SLC48A1: variants seen among roughly 807,000 people sequenced by gnomAD.
SLC48A1 encodes solute carrier family 48 member 1.
SLC48A1 carries 6 observed loss-of-function variants against 14.8 expected under a neutral mutation model. The ratio of observed to expected loss-of-function variants is 0.41; its 90% CI spans 0.22 to 0.80. SLC48A1 has a LOEUF of 0.80. Ranked by LOEUF, SLC48A1 falls within the 30% of genes least tolerant of loss-of-function variation. The probability of loss-of-function intolerance (pLI) is 0.34; values close to 1 mark genes in which losing one functional copy is unlikely to be tolerated. For missense variants in SLC48A1, 165 were observed against 204.8 expected (o/e 0.81, Z 1.19); for synonymous variants, 89 against 90.0 (o/e 0.99, Z 0.06).
chr12:47,758,958 C>T, intron 1 of SLC48A1: 1 of 1,012,434 alleles, frequency 9.9e-7, no homozygotes. Flanking sequence ...GCGGAGGGGG[C>T]GGGGTGGAGG....
At chr12:47,770,686 C>T (rs1942610009), upstream of SLC48A1, among the ~76,000 whole-genome samples, 1 of 152,224 alleles carries the variant, frequency 6.6e-6, no homozygotes, top group Non-Finnish European at 1.5e-5. Context: ...CACTCTATTA[C>T]TCTGGCCATA....
At chr12:47,758,425 T>A, upstream of SLC48A1, 1 of 1,557,368 alleles carries the variant, frequency 6.4e-7, no homozygotes, top group South Asian at 1.2e-5. Context: ...CAGCTTCGGC[T>A]TAAACCCTTC....
At position 47,782,531 on chromosome 12, in the gene SLC48A1, A is replaced by T. The variant is rs771752737; in HGVS notation, c.*2250A>T. Reference sequence around the variant, plus strand: ...ACCCCAAAGTGGGGCAGCCAGGGACAGCCAGGGTGTGTTCAGAATGGGTTC... The same window carrying T: ...ACCCCAAAGTGGGGCAGCCAGGGACTGCCAGGGTGTGTTCAGAATGGGTTC... On this transcript the variant is annotated 3_prime_UTR_variant, in exon 3 of 3. Transcript: ENST00000442218. 1 of 152,304 alleles carries T rather than the reference A, an allele frequency of 6.6e-6. No homozygotes were observed. Among genetic ancestry groups the T allele is most frequent in the East Asian group, 1.9e-4 (1 of 5,166 alleles). 9.4% of individuals were successfully genotyped at this position (152,304 alleles called of 1,614,324 possible).
intron 1 of SLC48A1, chr12:47,758,726 A>T: frequency 2.3e-5 from 27 of 1,171,844 alleles, no homozygotes; most frequent in East Asian, 4.9e-5. Flanking sequence ...AGCAGGATGC[A>T]GGGCTCGGTG....
chr12:47,757,781 C>A, upstream of SLC48A1: 1 of 1,327,200 alleles, frequency 7.5e-7, no homozygotes, highest in Non-Finnish European at 1.0e-6. Context: ...CAAGCTGGGC[C>A]ACCAGCAGCA....
chr12:47,773,546 G>T (rs1030408922), intron 1 of SLC48A1, 106 bp downstream of exon 1: 3 of 1,232,262 alleles, frequency 2.4e-6, no homozygotes, highest in Non-Finnish European at 3.0e-6. Flanking sequence ...CGCGGAGCGG[G>T]TGGAGTGTTT....
chr12:47,757,022 A>T (rs181351765), upstream of SLC48A1, among the ~76,000 whole-genome samples: 3 of 152,150 alleles, frequency 2.0e-5, no homozygotes, highest in Admixed American at 2.0e-4. Context: ...GGCCAAGCGC[A>T]GTGGGTCACG....
At chr12:47,776,381 G>A (rs1207091042) in intron 1 of SLC48A1, among the ~76,000 whole-genome samples, 2 of 152,170 alleles carry the variant, frequency 1.3e-5, no homozygotes, top group East Asian at 1.9e-4. Context: ...ATTCCACCCC[G>A]AGTTTTATAA....
rs200530736 is a variant in SLC48A1 at position 47,780,179 on chromosome 12, C to T, written c.339C>T (p.Ser113=). The T allele has an allele frequency of 1.2e-5, 19 of 1,612,068 alleles. No homozygotes were observed. Among genetic ancestry groups the T allele is most frequent in the African/African-American group, 9.3e-5 (7 of 75,028 alleles). ...ACCCCACCAGCTACTACCTCTCCAG[C>T]GTCTGGAGCTTCATTTCCTTCAAGT... The part of the protein sequence containing the change: ...LTDPTSYYLS[S]VWSFISFKWA... Residue 113 remains serine (S), a synonymous_variant, in exon 3 of 3, where the codon AGC becomes AGT. Transcript: ENST00000442218.
intron 2 of SLC48A1, among the ~76,000 whole-genome samples, chr12:47,779,832 T>C (rs914855677): frequency 6.6e-5 from 10 of 152,178 alleles, no homozygotes; most frequent in African/African-American, 1.9e-4. Flanking sequence ...GCAAACCCTG[T>C]TGTGAGGCGC....
upstream of SLC48A1, chr12:47,755,590 C>T (rs983352133): frequency 6.6e-5 from 10 of 152,296 alleles, no homozygotes; most frequent in African/African-American, 2.2e-4. Context: ...GATGTTCTTC[C>T]ATCCCATTCC....
chr12:47,763,662 G>T (rs1406403763), intron 2 of SLC48A1, among the ~76,000 whole-genome samples: 1 of 152,196 alleles, frequency 6.6e-6, no homozygotes. Context: ...CAGCGGCAGG[G>T]AGCTGGAGCC....
rs1289158834 is a variant in SLC48A1 at position 47,779,173 on chromosome 12, G to C, written c.282G>C (p.Val94=). 4.5e-6 allele frequency: 7 copies of C among 1,551,708 alleles called. No individual in the cohort carries two copies. The highest frequency in any genetic ancestry group is 6.1e-6 in the Non-Finnish European group (7 of 1,146,984). Residue 94 remains valine, a synonymous_variant, in exon 2 of 3, where the codon GTG becomes GTC. Coordinates refer to ENST00000442218, the MANE Select transcript of SLC48A1 (RefSeq NM_017842.3). Reference sequence around the variant, plus strand: ...TCGCTGCCTTCTGCACCTTCCTCGTGCTGGCCATCACCCGGCATCAGAGTG... The same window carrying C: ...TCGCTGCCTTCTGCACCTTCCTCGTCCTGGCCATCACCCGGCATCAGAGTG... ...VSIAAFCTFL[V]LAITRHQSLT...
At chr12:47,765,784 G>T (rs1942503696) in intron 2 of SLC48A1, among the ~76,000 whole-genome samples, 1 of 152,258 alleles carries the variant, frequency 6.6e-6, no homozygotes, top group African/African-American at 2.4e-5. Context: ...CGGAGGGTGA[G>T]AGCTGCTCTG....
chr12:47,759,765 G>A (rs7134842), intron 1 of SLC48A1, among the ~76,000 whole-genome samples: 4,277 of 152,316 alleles, frequency 0.028, 203 homozygotes, highest in African/African-American at 0.097. Context: ...CGTAATTCAG[G>A]ACGATAATGA....
intron 2 of SLC48A1, among the ~76,000 whole-genome samples, chr12:47,761,319 C>T (rs1468614826): frequency 1.3e-5 from 2 of 152,190 alleles, no homozygotes; most frequent in Non-Finnish European, 2.9e-5. Context: ...CACTCCCCCA[C>T]CTATGTTCCC....
chr12:47,757,924 C>A, upstream of SLC48A1: 1 of 1,556,842 alleles, frequency 6.4e-7, no homozygotes, highest in East Asian at 2.4e-5. Context: ...CTGGTAGGAG[C>A]AGCTTCGGGG....
chr12:47,754,524 G>A (rs78485368), upstream of SLC48A1, among the ~76,000 whole-genome samples: 11,238 of 152,264 alleles, frequency 0.074, 544 homozygotes, highest in Middle Eastern at 0.11. Flanking sequence ...GTGTGAGCTC[G>A]TGCTGATTAC....
intron 2 of SLC48A1, 150 bp downstream of exon 2, chr12:47,779,345 G>A (rs1322409857): frequency 6.8e-6 from 8 of 1,173,620 alleles, no homozygotes; most frequent in African/African-American, 1.6e-5. Flanking sequence ...GGTTCATGTG[G>A]AGAAAACAAG....
Sources: gnomAD v4.1 joint callset for allele counts (sites outside exome capture counted in the v4.1 genomes callset) on GRCh38, gnomAD v4.1.1 for gene constraint, MANE v1.5 for transcripts, NCBI Gene and HGNC (gene_info 2026-07-23, HGNC 2026-07-21) for gene names.